Variants in SLCO3A1 observed in about 807,000 individuals in gnomAD.
The protein encoded by SLCO3A1 is PGE1 transporter.
Under a neutral mutation model 63.1 loss-of-function variants are expected in SLCO3A1, and 27 were observed. The observed-to-expected ratio is 0.43, with a 90% CI of 0.32 to 0.59. The LOEUF (loss-of-function observed/expected upper bound fraction) is 0.59, where lower values mean the gene tolerates loss of function less well. SLCO3A1 is among the 20% of genes least tolerant of loss of function. SLCO3A1 has a pLI of 0.09. For synonymous variants in SLCO3A1, 473 were observed against 409.9 expected, an observed-to-expected ratio of 1.15 and a Z score of -1.86; for missense variants, 773 against 945.8, an observed-to-expected ratio of 0.82 and a Z score of 2.40.
intron 2 of SLCO3A1, among the ~76,000 whole-genome samples, chr15:91,959,031 A>G (rs1309681243): frequency 6.6e-6 from 1 of 152,202 alleles, no homozygotes; most frequent in Non-Finnish European, 1.5e-5. Flanking sequence ...ACTGCCCCTC[A>G]ACCAAGGAGT....
rs948745863 is a variant in SLCO3A1 at position 92,033,493 on chromosome 15, G to A, written c.647-61388G>A. Among the ~76,000 whole-genome samples, 30 of 152,208 alleles carry A rather than the reference G, an allele frequency of 2.0e-4. 1 individual carries two copies. Among genetic ancestry groups the A allele is most frequent in the Admixed American group, 1.4e-3 (22 of 15,282 alleles). ...CCTAAAGGGAACTAAATGCCGAGAC[G>A]GTGGGCAAAGGAGAACGAGGGAGGA... On this transcript the variant is annotated intron_variant, in intron 2 of 9. Coordinates refer to ENST00000318445, the MANE Select transcript of SLCO3A1 (RefSeq NM_013272.4). The surrounding 1 kb of genome is among the most constrained non-coding windows in gnomAD (Gnocchi z 4.5).
intron 4 of SLCO3A1, among the ~76,000 whole-genome samples, chr15:92,119,577 C>A (rs1411697032): frequency 6.6e-6 from 1 of 152,142 alleles, no homozygotes; most frequent in Non-Finnish European, 1.5e-5. Context: ...ATAGGGAAGA[C>A]CCCCAAGGAC....
In SLCO3A1 at chr15:91,968,893, C is replaced by T. The variant is rs896963353; in HGVS notation, c.646+52435C>T. Among the ~76,000 whole-genome samples the T allele has an allele frequency of 6.6e-6, 1 of 152,178 alleles. No individual in the cohort carries two copies. The highest frequency in any genetic ancestry group is 2.4e-5 in the African/African-American group (1 of 41,454). ...GAGTCTCCTTTCTCTTTCCCCTACCCAGGGGATCTGGCAAACTCGTGTTGC... is the reference window on the plus strand; with the variant it reads ...GAGTCTCCTTTCTCTTTCCCCTACCTAGGGGATCTGGCAAACTCGTGTTGC... On this transcript the variant is annotated intron_variant, in intron 2 of 9. Transcript: ENST00000318445. This position sits in a 1 kb window ranked among gnomAD's most constrained non-coding sequence, Gnocchi z 4.2.
chr15:91,874,994 C>T (rs1173102311), intron 1 of SLCO3A1, among the ~76,000 whole-genome samples: 1 of 152,226 alleles, frequency 6.6e-6, no homozygotes, highest in Admixed American at 6.5e-5. Flanking sequence ...TTGACCCCTG[C>T]TCATGGTGCT....
chr15:92,045,321 C>T (rs901881384), intron 2 of SLCO3A1, among the ~76,000 whole-genome samples: 1 of 151,128 alleles, frequency 6.6e-6, no homozygotes, highest in Non-Finnish European at 1.5e-5. Context: ...AACACATACT[C>T]ATTGTAAAAC....
chr15:92,016,574 A>T (rs2046440867), intron 2 of SLCO3A1, among the ~76,000 whole-genome samples: 2 of 152,148 alleles, frequency 1.3e-5, no homozygotes, highest in Admixed American at 1.3e-4. Context: ...GCACGGGACA[A>T]AGAGATGGGA....
At chr15:92,069,032 C>T (rs1567101535) in intron 2 of SLCO3A1, among the ~76,000 whole-genome samples, 2 of 152,234 alleles carry the variant, frequency 1.3e-5, no homozygotes, top group African/African-American at 2.4e-5. Context: ...GAAATAAGAC[C>T]GAGGTTCTTC....
At chr15:91,984,971 A>C (rs2046033617) in intron 2 of SLCO3A1, among the ~76,000 whole-genome samples, 1 of 152,132 alleles carries the variant, frequency 6.6e-6, no homozygotes, top group South Asian at 2.1e-4. Context: ...TAAGTAGATC[A>C]TACATAGAGA....
At chr15:92,021,796 A>G (rs7174192) in intron 2 of SLCO3A1, among the ~76,000 whole-genome samples, 56,255 of 151,924 alleles carry the variant, frequency 0.37, 11,205 homozygotes, top group East Asian at 0.58. Context: ...GACTCTGTGC[A>G]AAGCAAGCAC....
intron 2 of SLCO3A1, among the ~76,000 whole-genome samples, chr15:91,991,074 A>G (rs1031185246): frequency 6.6e-6 from 1 of 152,162 alleles, no homozygotes; most frequent in Non-Finnish European, 1.5e-5. Context: ...GTTTGTTTTT[A>G]ATTGCCTGAT....
intron 1 of SLCO3A1, among the ~76,000 whole-genome samples, chr15:91,887,692 G>A (rs188260820): frequency 3.7e-4 from 57 of 152,278 alleles, no homozygotes; most frequent in Non-Finnish European, 6.2e-4. Context: ...TGTCTTTTAT[G>A]TGTCTTTTTG....
Position 91,959,282 on chromosome 15 carries a change from G to A in SLCO3A1, c.646+42824G>A, listed in dbSNP as rs576938351. 4.6e-5 allele frequency among the ~76,000 whole-genome samples: 7 copies of A among 152,190 alleles called. No homozygotes were observed. In the South Asian group the frequency reaches 1.5e-3, roughly 32 times the overall value. On this transcript the variant is annotated intron_variant, in intron 2 of 9. Coordinates refer to ENST00000318445, the MANE Select transcript of SLCO3A1 (RefSeq NM_013272.4). ...ACTCTGGGGACTTGGGGGTTGGGGA[G>A]GTTGGAAGGCGGGTGAGGGATAAAA...
intron 2 of SLCO3A1, among the ~76,000 whole-genome samples, chr15:92,001,047 A>G (rs1002235997): frequency 6.6e-6 from 1 of 152,120 alleles, no homozygotes; most frequent in Non-Finnish European, 1.5e-5. Flanking sequence ...AGCATCTTCT[A>G]GCTACTCTCC....
At chr15:92,131,489 CAAGT>C (rs1267397362) in intron 7 of SLCO3A1, among the ~76,000 whole-genome samples, 7 of 144,114 alleles carry the variant, frequency 4.9e-5, no homozygotes, top group African/African-American at 1.8e-4. Context: ...CTCAGCCTCC[CAAGT>C]AGCTGGGATT....
chr15:92,114,287 G>T (rs1168567271), intron 4 of SLCO3A1, among the ~76,000 whole-genome samples: 1 of 152,180 alleles, frequency 6.6e-6, no homozygotes, highest in Non-Finnish European at 1.5e-5. Context: ...GGCTATAACA[G>T]TTACCCTTCA....
In SLCO3A1 at chr15:91,854,976, G is replaced by T. The variant is rs1341802098; in HGVS notation, c.180+888G>T. Among the ~76,000 whole-genome samples the T allele has an allele frequency of 6.6e-6, 1 of 152,092 alleles. No individual in the cohort carries two copies. The highest frequency in any genetic ancestry group is 1.5e-5 in the Non-Finnish European group (1 of 68,026). On this transcript the variant is annotated intron_variant, in intron 1 of 9. Coordinates refer to ENST00000318445, the MANE Select transcript of SLCO3A1 (RefSeq NM_013272.4). The surrounding 1 kb of genome is among the most constrained non-coding windows in gnomAD (Gnocchi z 6.4). ...TCCTCTGCTCAGGTGGTCGCAACTT[G>T]AGTTCCAGAGAGCGTGCTTCCACAC...
chr15:91,986,390 T>G (rs1002824410), intron 2 of SLCO3A1, among the ~76,000 whole-genome samples: 4 of 152,142 alleles, frequency 2.6e-5, no homozygotes, highest in African/African-American at 7.2e-5. Flanking sequence ...TTTCCTTCCA[T>G]CCTTGCCTGC....
At chr15:92,155,189 G>A (rs1187703229) in intron 9 of SLCO3A1, 1 of 152,226 alleles carries the variant, frequency 6.6e-6, no homozygotes, top group Non-Finnish European at 1.5e-5. Flanking sequence ...TTATTCTTCT[G>A]CAGGTGTCTT....
At chr15:92,154,609 T>TGTAA in intron 9 of SLCO3A1, among the ~76,000 whole-genome samples, 1 of 151,530 alleles carries the variant, frequency 6.6e-6, no homozygotes, top group East Asian at 1.9e-4. Context: ...GACACTTGGG[T>TGTAA]GTAAGTGAAG....
Sources: gnomAD v4.1 joint callset for allele counts (sites outside exome capture counted in the v4.1 genomes callset) on GRCh38, gnomAD v4.1.1 for gene constraint, Gnocchi (gnomAD v3.1) non-coding constraint, MANE v1.5 for transcripts, NCBI Gene and HGNC (gene_info 2026-07-23, HGNC 2026-07-21) for gene names.